The following ZNF577 variants were observed in gnomAD, a reference collection of about 807,000 sequenced individuals.
The protein encoded by ZNF577 is zinc finger protein 577.
A neutral mutation model predicts 13.9 loss-of-function variants in ZNF577; 14 were observed. That is an observed-to-expected ratio of 1.00 (90% CI 0.66 to 1.57). The LOEUF (loss-of-function observed/expected upper bound fraction) is 1.57, where lower values mean the gene tolerates loss of function less well. Among genes scored for constraint, ZNF577 ranks in the 40% most tolerant of loss-of-function variants. ZNF577 has a pLI of 0.00. For missense variants in ZNF577, 555 were observed against 579.2 expected, an observed-to-expected ratio of 0.96 and a Z score of 0.43; for synonymous variants, 203 against 202.9, an observed-to-expected ratio of 1.00 and a Z score of 0.00.
intron 9 of ZNF577, among the ~76,000 whole-genome samples, chr19:51,830,792 C>G (rs1440150905): frequency 6.6e-6 from 1 of 151,974 alleles, no homozygotes; most frequent in African/African-American, 2.4e-5. Flanking sequence ...AATTCTAGAC[C>G]CCCCTCATCT....
chr19:51,860,232 A>G (rs976501782), intron 5 of ZNF577: 1 of 152,196 alleles, frequency 6.6e-6, no homozygotes, highest in Non-Finnish European at 1.5e-5. Context: ...AAAATAACTT[A>G]TCACTGATGC....
At chr19:51,823,746 A>G in intron 9 of ZNF577, 1 of 1,574,318 alleles carries the variant, frequency 6.4e-7, no homozygotes, top group Non-Finnish European at 8.6e-7. Flanking sequence ...CAGGTGTGGG[A>G]AGATGGAAAC....
At chr19:51,806,198 G>A (rs11881389) in intron 10 of ZNF577, among the ~76,000 whole-genome samples, 54,827 of 151,896 alleles carry the variant, frequency 0.36, 10,618 homozygotes, top group South Asian at 0.52. Context: ...CTCATGGCTC[G>A]TACCGGAGGG....
chr19:51,830,151 A>C (rs1410500357), intron 9 of ZNF577, among the ~76,000 whole-genome samples: 1 of 141,994 alleles, frequency 7.0e-6, no homozygotes, highest in Non-Finnish European at 1.6e-5. Context: ...AAAAAAAAAA[A>C]ACAGAGGAAA....
chr19:51,851,905 G>A (rs1354296453), intron 5 of ZNF577, among the ~76,000 whole-genome samples: 2 of 152,278 alleles, frequency 1.3e-5, no homozygotes, highest in Non-Finnish European at 1.5e-5. Flanking sequence ...TTTAGAAGCT[G>A]CCTTTAACCA....
chr19:51,813,423 A>ATTTTT (rs1283185223), intron 9 of ZNF577, among the ~76,000 whole-genome samples: 1 of 151,862 alleles, frequency 6.6e-6, no homozygotes, highest in African/African-American at 2.4e-5. Flanking sequence ...TTTTATTTTT[A>ATTTTT]TTTTTATTTT....
At chr19:51,809,330 G>A (rs1432410320) in intron 10 of ZNF577, among the ~76,000 whole-genome samples, 1 of 152,194 alleles carries the variant, frequency 6.6e-6, no homozygotes, top group East Asian at 1.9e-4. Flanking sequence ...TTAATTGCAA[G>A]GGCCAGGATG....
At chr19:51,849,996 C>T (rs7256792) in intron 5 of ZNF577, among the ~76,000 whole-genome samples, 69,230 of 152,082 alleles carry the variant, frequency 0.46, 16,649 homozygotes, top group South Asian at 0.62. Flanking sequence ...TTTAATAACA[C>T]TATGGAAAAG....
chr19:51,818,395 A>C (rs1313765704), intron 9 of ZNF577, among the ~76,000 whole-genome samples: 2 of 152,150 alleles, frequency 1.3e-5, no homozygotes, highest in African/African-American at 2.4e-5. Flanking sequence ...TACAGACCAC[A>C]TTGTGTTTCC....
At chr19:51,884,807 T>C (rs946589926) in intron 1 of ZNF577, among the ~76,000 whole-genome samples, 15 of 152,342 alleles carry the variant, frequency 9.8e-5, no homozygotes, top group African/African-American at 3.6e-4. Flanking sequence ...CAATTGAAAA[T>C]ATTTCCACTG....
At chr19:51,820,900 G>A (rs1056432937) in intron 9 of ZNF577, among the ~76,000 whole-genome samples, 5 of 152,190 alleles carry the variant, frequency 3.3e-5, no homozygotes, top group East Asian at 1.9e-4. Flanking sequence ...AGATTAACAC[G>A]TCTCATCTGC....
rs186953042 is a variant in ZNF577, at chr19:51,833,868, C to A, written c.*599+6025G>T. ...AGTTAGGGGTACAATATATTTTTTT[C>A]TTTTAGTTTTAGTTCACATCGTAAT... On this transcript the variant is annotated intron_variant and NMD_transcript_variant, in intron 9 of 10. Transcript: ENST00000638827. Among the ~76,000 whole-genome samples the A allele has an allele frequency of 2.7e-3, 411 of 152,100 alleles. 2 individuals are homozygous for A. The highest frequency in any genetic ancestry group is 9.0e-3 in the African/African-American group (372 of 41,496).
intron 9 of ZNF577, among the ~76,000 whole-genome samples, chr19:51,821,140 C>T (rs747095450): frequency 6.6e-6 from 1 of 152,212 alleles, no homozygotes; most frequent in East Asian, 1.9e-4. Context: ...CATGTCCAGT[C>T]TCACTTAATC....
chr19:51,871,389 T>C lies in ZNF577; in HGVS notation c.*1143A>G, dbSNP rs2084658085. On this transcript the variant is annotated 3_prime_UTR_variant, in exon 6 of 6. Coordinates refer to ENST00000638348, the MANE Select transcript of ZNF577 (RefSeq NM_001370449.1). ...GCCTTGGCCTCCCAAAGTGCTGAGA[T>C]TACAGGTGTGAGCCACTGTGCCTGG... The C allele has an allele frequency of 1.3e-5, 2 of 152,036 alleles. No homozygotes were observed. The highest frequency in any genetic ancestry group is 1.3e-4 in the Admixed American group (2 of 15,254). The allele number at this position is 152,036 out of a possible 1,614,324, so 9.4% of individuals were successfully genotyped here. A position where few individuals can be genotyped will look rare whatever the true frequency, so the allele number is the denominator to read the frequency against.
At chr19:51,858,365 C>T (rs1298969472) in intron 5 of ZNF577, among the ~76,000 whole-genome samples, 2 of 152,194 alleles carry the variant, frequency 1.3e-5, no homozygotes, top group South Asian at 2.1e-4. Flanking sequence ...CCATTCCATA[C>T]TACTTAGGGT....
rs537515039 is a variant in ZNF577, at chr19:51,836,002, A to G, written c.*599+3891T>C. Among the ~76,000 whole-genome samples, 39 of 152,340 alleles carry G rather than the reference A, an allele frequency of 2.6e-4. 1 individual carries two copies. The South Asian group carries it at 7.0e-3, about 28-fold the overall frequency. ...GCCACCGCACCCGACCTTGAAATCA[A>G]TATCTTAAGTAATGTTTGGATCATG... On this transcript the variant is annotated intron_variant and NMD_transcript_variant, in intron 9 of 10. Coordinates refer to the ZNF577 transcript ENST00000638827.
intron 9 of ZNF577, among the ~76,000 whole-genome samples, chr19:51,813,119 A>AC (rs2084109008): frequency 1.5e-5 from 2 of 137,122 alleles, no homozygotes; most frequent in African/African-American, 5.4e-5. Context: ...GCTCTGTCTC[A>AC]ACACACACAC....
rs1371949370 is a variant in ZNF577 at position 51,868,420 on chromosome 19, G to A, written c.*4112C>T. Among the ~76,000 whole-genome samples the A allele has an allele frequency of 6.6e-6, 1 of 152,172 alleles. No individual in the cohort carries two copies. The highest frequency in any genetic ancestry group is 2.4e-5 in the African/African-American group (1 of 41,432). ...CCAACATGGGATCCATCTGGCCCAT[G>A]AGAGCAGGAAGAACAAGGGCAAACA... On this transcript the variant is annotated 3_prime_UTR_variant, in exon 6 of 6. Coordinates refer to ENST00000638348, the MANE Select transcript of ZNF577 (RefSeq NM_001370449.1).
At chr19:51,883,537 A>G (rs1051067314) in intron 1 of ZNF577, among the ~76,000 whole-genome samples, 1 of 151,984 alleles carries the variant, frequency 6.6e-6, no homozygotes, top group African/African-American at 2.4e-5. Context: ...CAATTTTTTT[A>G]GGTAAGAATC....
Sources: gnomAD v4.1 joint callset for allele counts (sites outside exome capture counted in the v4.1 genomes callset) on GRCh38, gnomAD v4.1.1 for gene constraint, MANE v1.5 for transcripts, NCBI Gene and HGNC (gene_info 2026-07-23, HGNC 2026-07-21) for gene names.